The following HDGFL3 variants were observed in gnomAD, a reference collection of about 807,000 sequenced individuals.
HDGFL3 encodes HDGF like 3, also known as hepatoma-derived growth factor-related protein 3.
HDGFL3 carries 6 observed loss-of-function variants against 27.6 expected under a neutral mutation model. The ratio of observed to expected loss-of-function variants is 0.22; its 90% confidence interval spans 0.12 to 0.43. The LOEUF (loss-of-function observed/expected upper bound fraction) is 0.43, where lower values mean the gene tolerates loss of function less well. Ranked by LOEUF, HDGFL3 falls within the 20% of genes least tolerant of loss-of-function variation. The pLI, the probability that HDGFL3 is intolerant of heterozygous loss-of-function variation, is 1.00. For missense variants in HDGFL3, 207 were observed against 250.1 expected (o/e 0.83, Z 1.16); for synonymous variants, 88 against 88.9 (o/e 0.99, Z 0.05).
At chr15:83,206,385 TCAAG>T (rs2037715957) in intron 1 of HDGFL3, among the ~76,000 whole-genome samples, 1 of 152,170 alleles carries the variant, frequency 6.6e-6, no homozygotes, top group East Asian at 1.9e-4. Context: ...ATTTCTTATT[TCAAG>T]CAATCAACTG....
chr15:83,137,572 G>A lies in HDGFL3; in HGVS notation c.*1698C>T, dbSNP rs1463433847. 1 of 152,146 alleles carries A rather than the reference G, an allele frequency of 6.6e-6. No homozygotes were observed. The highest frequency in any genetic ancestry group is 2.4e-5 in the African/African-American group (1 of 41,434). 9.4% of individuals were successfully genotyped at this position (152,146 alleles called of 1,614,324 possible). On this transcript the variant is annotated 3_prime_UTR_variant, in exon 6 of 6. Transcript: ENST00000299633. ...AAATTAAAAAGGACCTTTTAAGGAAGAAGTATTAGATCGACATCCCTACTA... is the reference window on the plus strand; with the variant it reads ...AAATTAAAAAGGACCTTTTAAGGAAAAAGTATTAGATCGACATCCCTACTA...
downstream of HDGFL3, among the ~76,000 whole-genome samples, chr15:83,125,824 A>C (rs1298322364): frequency 6.6e-6 from 1 of 152,160 alleles, no homozygotes; most frequent in Non-Finnish European, 1.5e-5. Flanking sequence ...CAGGGTGAGA[A>C]GCTGTTTTAA....
At chr15:83,121,133 C>T (rs537902940) in intron 3 of HDGFL3, among the ~76,000 whole-genome samples, 76 of 151,770 alleles carry the variant, frequency 5.0e-4, no homozygotes, top group African/African-American at 1.8e-3. Flanking sequence ...TGCAGTGGTG[C>T]GATCTTGGCT....
chr15:83,117,313 C>A (rs188900181), intron 3 of HDGFL3, among the ~76,000 whole-genome samples: 168 of 152,154 alleles, frequency 1.1e-3, no homozygotes, highest in Non-Finnish European at 1.9e-3. Context: ...CAGATGCTGG[C>A]AGGGCTTTGC....
chr15:83,199,596 T>C (rs1370014804), intron 1 of HDGFL3, among the ~76,000 whole-genome samples: 1 of 152,214 alleles, frequency 6.6e-6, no homozygotes, highest in African/African-American at 2.4e-5. Context: ...GGTAGCTGTA[T>C]AGACTCTATA....
chr15:83,201,894 GAA>G (rs2037651763), intron 1 of HDGFL3, among the ~76,000 whole-genome samples: 1 of 152,138 alleles, frequency 6.6e-6, no homozygotes, highest in African/African-American at 2.4e-5. Flanking sequence ...TAGTCCCTGG[GAA>G]AAAGACTGAG....
At chr15:83,197,921 G>C (rs1937306646) in intron 1 of HDGFL3, among the ~76,000 whole-genome samples, 1 of 150,794 alleles carries the variant, frequency 6.6e-6, no homozygotes. Context: ...TGTAATCCCA[G>C]CTAATTGGGA....
intron 1 of HDGFL3, among the ~76,000 whole-genome samples, chr15:83,178,810 G>T (rs536985135): frequency 6.6e-6 from 1 of 152,114 alleles, no homozygotes; most frequent in African/African-American, 2.4e-5. Flanking sequence ...ATGCTCCTAC[G>T]TTAAATCAGT....
Position 83,139,177 on chromosome 15 carries a change from A to G in HDGFL3, c.*93T>C, listed in dbSNP as rs1465191173. 8 of 751,782 alleles carry G rather than the reference A, an allele frequency of 1.1e-5. 1 individual carries two copies. The highest frequency in any genetic ancestry group is 1.6e-5 in the Non-Finnish European group (8 of 504,740). 46.6% of individuals were successfully genotyped at this position (751,782 alleles called of 1,614,324 possible). ...GGTTCTGTCAATGACAACAAGGACT[A>G]TGTGTTGGTTCATATCAAATCCAAG... On this transcript the variant is annotated 3_prime_UTR_variant, in exon 6 of 6. Transcript: ENST00000299633.
Position 83,132,247 on chromosome 15 carries a change from T to C in HDGFL3, c.*7023A>G, listed in dbSNP as rs2036303486. The C allele has an allele frequency of 6.6e-6, 1 of 152,248 alleles. No homozygotes were observed. Among genetic ancestry groups the C allele is most frequent in the Admixed American group, 6.5e-5 (1 of 15,282 alleles). 9.4% of individuals were successfully genotyped at this position (152,248 alleles called of 1,614,324 possible). The stretch of plus-strand genomic sequence containing the variant: ...ACTGGTAGAAGATTCCCAGTAAGAA[T>C]TTGGAGATATGCCTTATGTTGTTCC... On this transcript the variant is annotated 3_prime_UTR_variant, in exon 6 of 6. Transcript: ENST00000299633.
intron 4 of HDGFL3, among the ~76,000 whole-genome samples, chr15:83,153,025 C>T (rs1373923491): frequency 2.8e-5 from 4 of 142,694 alleles, no homozygotes; most frequent in Admixed American, 7.4e-5. Context: ...GACGGAGTCT[C>T]GCTCTGTTGC....
intron 3 of HDGFL3, among the ~76,000 whole-genome samples, chr15:83,119,414 G>A (rs1779106804): frequency 6.6e-6 from 1 of 152,218 alleles, no homozygotes. Context: ...CAGCTCCAGC[G>A]TAAAGTTGTA....
chr15:83,195,196 T>A (rs560045172), intron 1 of HDGFL3, among the ~76,000 whole-genome samples: 2 of 152,198 alleles, frequency 1.3e-5, no homozygotes, highest in African/African-American at 4.8e-5. Context: ...TTTAGTCTAA[T>A]TGCAAAGATA....
chr15:83,122,543 T>G (rs1260188337), intron 3 of HDGFL3, among the ~76,000 whole-genome samples: 1 of 152,196 alleles, frequency 6.6e-6, no homozygotes, highest in Non-Finnish European at 1.5e-5. Context: ...CACTGCAGCC[T>G]TGATCTCCTG....
At chr15:83,124,045 T>A (rs2035507094), downstream of HDGFL3, among the ~76,000 whole-genome samples, 1 of 152,350 alleles carries the variant, frequency 6.6e-6, no homozygotes, top group Non-Finnish European at 1.5e-5. Flanking sequence ...AAGTTGTTCA[T>A]CATTACATTA....
Position 83,139,256 on chromosome 15 carries a change from A to G in HDGFL3, c.*14T>C. ...CTTGTGGTTTCTCTTAATATGCAGC[A>G]TTCATTATGGTAGTTAGGTCTGTAA... On this transcript the variant is annotated 3_prime_UTR_variant, in exon 6 of 6. Coordinates refer to ENST00000299633, the MANE Select transcript of HDGFL3 (RefSeq NM_016073.4). The G allele has an allele frequency of 6.9e-7, 1 of 1,442,066 alleles. No individual in the cohort carries two copies. 89.3% of individuals were successfully genotyped at this position (1,442,066 alleles called of 1,614,324 possible).
intron 5 of HDGFL3, among the ~76,000 whole-genome samples, chr15:83,149,820 T>C (rs970342239): frequency 1.3e-5 from 2 of 152,072 alleles, no homozygotes; most frequent in Non-Finnish European, 1.5e-5. Flanking sequence ...AGGGAGACCT[T>C]AGGCTGTTTA....
At chr15:83,147,393 G>A (rs1290696492) in intron 5 of HDGFL3, among the ~76,000 whole-genome samples, 1 of 151,862 alleles carries the variant, frequency 6.6e-6, no homozygotes, top group Non-Finnish European at 1.5e-5. Context: ...CACTGCTTCA[G>A]CAATTCTTTC....
chr15:83,168,883 C>A (rs2037206397), intron 1 of HDGFL3, among the ~76,000 whole-genome samples: 2 of 152,158 alleles, frequency 1.3e-5, no homozygotes, highest in Admixed American at 1.3e-4. Context: ...CAACAAAATA[C>A]TAGCAAACTG....
Sources: allele counts gnomAD v4.1 joint callset (sites outside exome capture counted in the v4.1 genomes callset), GRCh38; gene constraint gnomAD v4.1.1; transcripts MANE v1.5; gene names NCBI Gene and HGNC (gene_info 2026-07-23, HGNC 2026-07-21).